The following RPS6KA5 variants were observed in gnomAD, a reference collection of about 807,000 sequenced individuals.
RPS6KA5 encodes the protein ribosomal protein S6 kinase alpha-5.
Under a neutral mutation model 85.5 loss-of-function variants are expected in RPS6KA5, and 27 were observed. That is an observed-to-expected ratio of 0.32 (90% CI 0.23 to 0.44). The LOEUF (loss-of-function observed/expected upper bound fraction) is 0.44, where lower values mean the gene tolerates loss of function less well. Ranked by LOEUF, RPS6KA5 falls within the 20% of genes least tolerant of loss-of-function variation. The probability of loss-of-function intolerance (pLI) is 1.00; values close to 1 mark genes in which losing one functional copy is unlikely to be tolerated. For synonymous variants in RPS6KA5, 334 were observed against 348.2 expected (o/e 0.96, Z 0.46); for missense variants, 811 against 980.9 (o/e 0.83, Z 2.31).
rs573169422 is a variant in RPS6KA5, at chr14:90,856,818, C to T, written c.*15256G>A. ...CCCATCACCTGTATACATTGTCACT[C>T]CCTATTTCCCCCTCCCACCAGCCCC... is the stretch of plus-strand genomic sequence containing the variant. On this transcript the variant is annotated 3_prime_UTR_variant, in exon 17 of 17. Transcript: ENST00000614987. The T allele has an allele frequency of 2.5e-5, 4 of 158,706 alleles. No individual in the cohort carries two copies. The South Asian group carries it at 5.6e-4, about 22-fold the overall frequency. 9.8% of individuals were successfully genotyped at this position (158,706 alleles called of 1,614,324 possible).
chr14:90,971,623 T>C (rs547838716), intron 3 of RPS6KA5, among the ~76,000 whole-genome samples: 2 of 152,276 alleles, frequency 1.3e-5, no homozygotes, highest in South Asian at 2.1e-4. Flanking sequence ...AATACTAACA[T>C]TGTAATAATC....
intron 3 of RPS6KA5, among the ~76,000 whole-genome samples, chr14:90,977,286 G>A (rs1438659290): frequency 6.6e-6 from 1 of 152,206 alleles, no homozygotes; most frequent in African/African-American, 2.4e-5. Flanking sequence ...AAACAAGCAC[G>A]GGACCAAAAT....
chr14:91,046,944 C>T lies in RPS6KA5; in HGVS notation c.103+13388G>A, dbSNP rs535538663. On this transcript the variant is annotated intron_variant, in intron 1 of 16. Coordinates refer to ENST00000614987, the MANE Select transcript of RPS6KA5 (RefSeq NM_004755.4). The stretch of plus-strand genomic sequence containing the variant: ...TAATCGCAGCACTTCTCTGGGAGGC[C>T]GAGGCAGGTGGATCACTTGAGCTCA... Among the ~76,000 whole-genome samples, 37 of 151,352 alleles carry T rather than the reference C, an allele frequency of 2.4e-4. 1 individual carries two copies. In the Middle Eastern group the frequency reaches 0.014, roughly 56 times the overall value.
At chr14:90,880,574 A>ATCT (rs1297811899) in intron 14 of RPS6KA5, among the ~76,000 whole-genome samples, 5 of 152,070 alleles carry the variant, frequency 3.3e-5, no homozygotes, top group Non-Finnish European at 7.4e-5. Flanking sequence ...TGTCCATTAG[A>ATCT]TCTAGTTGGT....
intron 5 of RPS6KA5, among the ~76,000 whole-genome samples, chr14:90,938,407 G>A (rs947222560): frequency 2.6e-5 from 4 of 152,184 alleles, no homozygotes; most frequent in South Asian, 2.1e-4. Context: ...ACCATTCTGA[G>A]GTTTAAAGGA....
At chr14:90,981,746 TGC>T (rs946199776) in intron 2 of RPS6KA5, among the ~76,000 whole-genome samples, 5 of 152,260 alleles carry the variant, frequency 3.3e-5, no homozygotes, top group African/African-American at 1.2e-4. Flanking sequence ...TAAGCTACAA[TGC>T]TTCACCACAT....
At chr14:90,926,654 T>C (rs1450670284) in intron 5 of RPS6KA5, among the ~76,000 whole-genome samples, 2 of 132,494 alleles carry the variant, frequency 1.5e-5, no homozygotes, top group African/African-American at 3.1e-5. Context: ...TGTATATATA[T>C]ATATATTTAA....
chr14:90,865,952 C>T lies in RPS6KA5; in HGVS notation c.*6122G>A, dbSNP rs1317937192. 6.6e-6 allele frequency: 1 copy of T among 152,208 alleles called. No homozygotes were observed. 9.4% of individuals were successfully genotyped at this position (152,208 alleles called of 1,614,324 possible). A position where few individuals can be genotyped will look rare whatever the true frequency, so the allele number is the denominator to read the frequency against. ...GCTTTCTCACACAGCATCATTATTT[C>T]CTTATTCCTAATAATTTTCATCACA... is the stretch of plus-strand genomic sequence containing the variant. On this transcript the variant is annotated 3_prime_UTR_variant, in exon 17 of 17. Coordinates refer to ENST00000614987, the MANE Select transcript of RPS6KA5 (RefSeq NM_004755.4).
intron 3 of RPS6KA5, 131 bp from the exon 4 acceptor site, chr14:90,947,681 G>A: frequency 1.8e-6 from 1 of 568,454 alleles, no homozygotes; most frequent in Non-Finnish European, 3.1e-6. Context: ...TTAGCATACA[G>A]TATCATGTAG....
At chr14:90,975,624 C>T (rs967449629) in intron 3 of RPS6KA5, among the ~76,000 whole-genome samples, 2 of 152,184 alleles carry the variant, frequency 1.3e-5, no homozygotes, top group African/African-American at 4.8e-5. Flanking sequence ...GGACTTCCAG[C>T]CTCCAGTACT....
chr14:90,988,066 G>A (rs1009131155), intron 2 of RPS6KA5, among the ~76,000 whole-genome samples: 6 of 152,268 alleles, frequency 3.9e-5, no homozygotes, highest in South Asian at 2.1e-4. Flanking sequence ...CAAGACCAAC[G>A]GGAATGAACT....
chr14:91,049,158 G>C (rs372077374), intron 1 of RPS6KA5, among the ~76,000 whole-genome samples: 2 of 152,208 alleles, frequency 1.3e-5, no homozygotes, highest in Admixed American at 6.5e-5. Context: ...ATTCATGGTA[G>C]AAAGTTAAGA....
At position 90,943,123 on chromosome 14, in the gene RPS6KA5, C is replaced by T. The variant is rs1328559467; in HGVS notation, c.573G>A (p.Val191=). The change falls in exon 5 of 17, where the codon GTG becomes GTA. Residue 191 remains valine (V), a synonymous_variant. Coordinates refer to ENST00000614987, the MANE Select transcript of RPS6KA5 (RefSeq NM_004755.4). ...ENILLDSNGH[V]VLTDFGLSKE... is the part of the protein sequence containing the mutation. ...TACTCAGACCAAAATCTGTCAGCAC[C>T]ACATGGCCATTAGAATCAAGTAGAA... The T allele has an allele frequency of 1.2e-6, 2 of 1,612,970 alleles. No homozygotes were observed. Among genetic ancestry groups the T allele is most frequent in the Non-Finnish European group, 8.5e-7 (1 of 1,179,160 alleles).
chr14:90,961,811 A>G (rs1466035478), intron 3 of RPS6KA5, among the ~76,000 whole-genome samples: 1 of 152,176 alleles, frequency 6.6e-6, no homozygotes, highest in African/African-American at 2.4e-5. Flanking sequence ...TGTTTTCTCA[A>G]AAAAAGTACT....
intron 3 of RPS6KA5, among the ~76,000 whole-genome samples, chr14:90,978,056 A>G (rs2039641839): frequency 6.6e-6 from 1 of 152,206 alleles, no homozygotes; most frequent in African/African-American, 2.4e-5. Context: ...CTCTGCCTCA[A>G]AAAAAGAAAA....
At chr14:90,995,387 CTTAT>C (rs1214518799) in intron 2 of RPS6KA5, among the ~76,000 whole-genome samples, 1 of 152,184 alleles carries the variant, frequency 6.6e-6, no homozygotes, top group Non-Finnish European at 1.5e-5. Flanking sequence ...GCTTTTACTG[CTTAT>C]TTGTTTCCTT....
At chr14:91,014,913 T>G (rs1185247050) in intron 1 of RPS6KA5, among the ~76,000 whole-genome samples, 2 of 152,230 alleles carry the variant, frequency 1.3e-5, no homozygotes, top group Non-Finnish European at 2.9e-5. Flanking sequence ...GTATATGAAG[T>G]ATCTATGGGA....
chr14:90,988,847 T>C (rs929250051), intron 2 of RPS6KA5, among the ~76,000 whole-genome samples: 7 of 151,938 alleles, frequency 4.6e-5, no homozygotes, highest in Non-Finnish European at 8.8e-5. Context: ...AACAAAGAAA[T>C]ATAATCTTTC....
At chr14:90,890,316 T>G (rs1212508283) in intron 14 of RPS6KA5, among the ~76,000 whole-genome samples, 171 bp downstream of exon 14, 1 of 152,204 alleles carries the variant, frequency 6.6e-6, no homozygotes, top group Admixed American at 6.5e-5. Context: ...TTCTTTAATA[T>G]ACATTTTAAG....
Sources: allele counts gnomAD v4.1 joint callset (sites outside exome capture counted in the v4.1 genomes callset), GRCh38; gene constraint gnomAD v4.1.1; transcripts MANE v1.5; gene names NCBI Gene and HGNC (gene_info 2026-07-23, HGNC 2026-07-21).